RAD9B: variants seen among roughly 807,000 people sequenced by gnomAD.
RAD9B encodes the protein RAD9 checkpoint clamp component B.
A neutral mutation model predicts 48.3 loss-of-function variants in RAD9B; 41 were observed. That is an observed-to-expected ratio of 0.85 (90% CI 0.66 to 1.10). RAD9B has a LOEUF of 1.10. RAD9B is among the 50% of genes least tolerant of loss of function. The probability of loss-of-function intolerance (pLI) is 0.00; values close to 1 mark genes in which losing one functional copy is unlikely to be tolerated. For missense variants in RAD9B, 444 were observed against 485.1 expected (o/e 0.92, Z 0.80); for synonymous variants, 160 against 157.9 (o/e 1.01, Z -0.10).
chr12:110,508,560 A>G (rs2063361339), intron 4 of RAD9B, among the ~76,000 whole-genome samples: 1 of 152,258 alleles, frequency 6.6e-6, no homozygotes, highest in African/African-American at 2.4e-5. Context: ...ACTAGCTTAA[A>G]AAATAAAGTA....
intron 9 of RAD9B, among the ~76,000 whole-genome samples, chr12:110,520,422 G>C (rs2063738239): frequency 6.6e-6 from 1 of 151,904 alleles, no homozygotes; most frequent in African/African-American, 2.4e-5. Flanking sequence ...ATGTTGCCCA[G>C]GCTGGTCTCA....
chr12:110,530,096 G>A (rs532546808), intron 10 of RAD9B, among the ~76,000 whole-genome samples: 54 of 152,152 alleles, frequency 3.5e-4, no homozygotes, highest in Admixed American at 7.9e-4. Context: ...AGGCTGTAGT[G>A]CAGTGGCACG....
chr12:110,524,668 G>C (rs546629172), intron 10 of RAD9B, among the ~76,000 whole-genome samples: 1 of 151,978 alleles, frequency 6.6e-6, no homozygotes, highest in African/African-American at 2.4e-5. Context: ...TTGGGAGGCC[G>C]AGGTGGGCAG....
intron 3 of RAD9B, among the ~76,000 whole-genome samples, chr12:110,506,290 G>C (rs1015788883): frequency 6.6e-6 from 1 of 151,734 alleles, no homozygotes; most frequent in Non-Finnish European, 1.5e-5. Context: ...CCGGGTTCAC[G>C]CCATTCTCCT....
intron 10 of RAD9B, among the ~76,000 whole-genome samples, chr12:110,527,525 G>T (rs747667445): frequency 1.3e-5 from 2 of 152,150 alleles, no homozygotes; most frequent in African/African-American, 2.4e-5. Flanking sequence ...CTTCTGAGAC[G>T]TGAGGATGAC....
Position 110,531,040 on chromosome 12 carries a change from TG to T in RAD9B, c.*388del. 1 of 1,004,568 alleles carries T rather than the reference TG, an allele frequency of 1.0e-6. No individual in the cohort carries two copies. The highest frequency in any genetic ancestry group is 1.2e-6 in the Non-Finnish European group (1 of 842,652). The allele number at this position is 1,004,568 out of a possible 1,614,324, so 62.2% of individuals were successfully genotyped here. A position where few individuals can be genotyped will look rare whatever the true frequency, so the allele number is the denominator to read the frequency against. ...TGGCTTGAAATGGAATTTTGTGATT[TG>T]TAGTCAGGTATCTTTTGTATTTGAT... On this transcript the variant is annotated 3_prime_UTR_variant, in exon 11 of 11. Transcript: ENST00000409300.
At chr12:110,514,968 A>C in intron 5 of RAD9B, 82 bp from the exon 6 acceptor site, 10 of 787,502 alleles carry the variant, frequency 1.3e-5, no homozygotes, top group Non-Finnish European at 1.6e-5. Flanking sequence ...TTTCCAGATT[A>C]GAGATTTGAG....
At position 110,519,932 on chromosome 12, in the gene RAD9B, A is replaced by C. The variant is rs1302571860; in HGVS notation, c.890+16A>C. On this transcript the variant is annotated intron_variant, in intron 9 of 10. Coordinates refer to ENST00000409300, the MANE Select transcript of RAD9B (RefSeq NM_001286535.2). ...AACGAAAAAGGTAAGACTGTGTTTT[A>C]ACTTCTTTATTACTTGGGACAAGCC... The C allele has an allele frequency of 1.4e-5, 22 of 1,607,294 alleles. No homozygotes were observed. In the Admixed American group the frequency reaches 3.8e-4, roughly 27 times the overall value.
intron 1 of RAD9B, 52 bp downstream of exon 1, chr12:110,502,435 A>T: frequency 6.3e-7 from 1 of 1,594,782 alleles, no homozygotes; most frequent in South Asian, 1.1e-5. Flanking sequence ...AGCAGACGTT[A>T]ATAGGTCGTC....
Position 110,532,337 on chromosome 12 carries a change from GA to G in RAD9B, c.*1686del, listed in dbSNP as rs1338697441. Among the ~76,000 whole-genome samples the G allele has an allele frequency of 6.6e-6, 1 of 152,214 alleles. No individual in the cohort carries two copies. The highest frequency in any genetic ancestry group is 6.5e-5 in the Admixed American group (1 of 15,272). ...GGATAACATTTCTGGTTCATTCATTGAAGTAGGCAGAGGGGTTTAGGTCTTA... is the reference window on the plus strand; with the variant it reads ...GGATAACATTTCTGGTTCATTCATTGAGTAGGCAGAGGGGTTTAGGTCTTA... On this transcript the variant is annotated 3_prime_UTR_variant, in exon 11 of 11. Transcript: ENST00000409300.
At chr12:110,529,688 G>C (rs2064069185) in intron 10 of RAD9B, among the ~76,000 whole-genome samples, 1 of 152,166 alleles carries the variant, frequency 6.6e-6, no homozygotes, top group South Asian at 2.1e-4. Flanking sequence ...AGGCTGCGGT[G>C]AGACGTGATC....
chr12:110,503,760 T>G, intron 1 of RAD9B, 46 bp from the exon 2 acceptor site: 1 of 1,378,838 alleles, frequency 7.3e-7, no homozygotes, highest in Non-Finnish European at 1.0e-6. Flanking sequence ...TTGTTTTTAT[T>G]GTTAGAGGGA....
At position 110,505,734 on chromosome 12, in the gene RAD9B, GAC is replaced by G. The variant is rs780779498; in HGVS notation, c.239_240del (p.Thr80AsnfsTer18). 2 of 1,611,786 alleles carry G rather than the reference GAC, an allele frequency of 1.2e-6. No homozygotes were observed. The highest frequency in any genetic ancestry group is 2.2e-5 in the South Asian group (2 of 90,456). On this transcript the variant is annotated frameshift_variant, in exon 3 of 11. Coordinates refer to ENST00000409300, the MANE Select transcript of RAD9B (RefSeq NM_001286535.2). LOFTEE classifies it high-confidence loss of function. ...ALVKMSENEL[D>X]TTLHLKCKLG... ...AGTGAAAATGAGTGAAAATGAACTTGACACAACACTGCATTTAAAATGCAAAT... is the reference window on the plus strand; with the variant it reads ...AGTGAAAATGAGTGAAAATGAACTTGACAACACTGCATTTAAAATGCAAAT...
Position 110,533,213 on chromosome 12 carries a change from A to G in RAD9B, c.*2560A>G, listed in dbSNP as rs1004620053. ...AATGTCAAGGGCTGGTGTCTCATTT[A>G]GTTACTATTCAAACCAAAAGAAGCA... is the stretch of plus-strand genomic sequence containing the variant. On this transcript the variant is annotated 3_prime_UTR_variant, in exon 11 of 11. Coordinates refer to ENST00000409300, the MANE Select transcript of RAD9B (RefSeq NM_001286535.2). The G allele has an allele frequency of 1.3e-5, 2 of 152,246 alleles. No homozygotes were observed. The highest frequency in any genetic ancestry group is 6.5e-5 in the Admixed American group (1 of 15,286). 9.4% of individuals were successfully genotyped at this position (152,246 alleles called of 1,614,324 possible).
rs1158776687 is a variant in RAD9B at position 110,533,116 on chromosome 12, T to C, written c.*2463T>C. The C allele has an allele frequency of 9.2e-5, 14 of 152,220 alleles. No individual in the cohort carries two copies. In the East Asian group the frequency reaches 2.7e-3, roughly 29 times the overall value. The allele number at this position is 152,220 out of a possible 1,614,324, so 9.4% of individuals were successfully genotyped here. On this transcript the variant is annotated 3_prime_UTR_variant, in exon 11 of 11. Transcript: ENST00000409300. Reference sequence around the variant, plus strand: ...GTGAAGCAGCTGGAGCCAGTTAAAGTAGCAGCATATAATCAGTGCTAGAAT... The same window carrying C: ...GTGAAGCAGCTGGAGCCAGTTAAAGCAGCAGCATATAATCAGTGCTAGAAT...
rs1212010638 is a variant in RAD9B, at chr12:110,532,692, TGTA to T, written c.*2040_*2042del. Among the ~76,000 whole-genome samples, 1 of 152,194 alleles carries T rather than the reference TGTA, an allele frequency of 6.6e-6. No individual in the cohort carries two copies. Among genetic ancestry groups the T allele is most frequent in the African/African-American group, 2.4e-5 (1 of 41,438 alleles). On this transcript the variant is annotated 3_prime_UTR_variant, in exon 11 of 11. Transcript: ENST00000409300. Reference sequence around the variant, plus strand: ...AGATAATGGAGCTGCCCTATACAGGTGTACCATTTTTTTGTCTTTCATACCATA... The same window carrying T: ...AGATAATGGAGCTGCCCTATACAGGTCCATTTTTTTGTCTTTCATACCATA...
At position 110,533,257 on chromosome 12, in the gene RAD9B, C is replaced by G. The variant is rs1046487038; in HGVS notation, c.*2604C>G. On this transcript the variant is annotated 3_prime_UTR_variant, in exon 11 of 11. Coordinates refer to ENST00000409300, the MANE Select transcript of RAD9B (RefSeq NM_001286535.2). ...AGAAGCACACAGATTAGTATAAATA[C>G]TATATTTATTAAATATCTTTACAGT... 6.6e-6 allele frequency: 1 copy of G among 152,100 alleles called. No individual in the cohort carries two copies. The highest frequency in any genetic ancestry group is 1.5e-5 in the Non-Finnish European group (1 of 68,022). 9.4% of individuals were successfully genotyped at this position (152,100 alleles called of 1,614,324 possible).
At chr12:110,516,941 A>G (rs924440531) in intron 6 of RAD9B, among the ~76,000 whole-genome samples, 1 of 152,206 alleles carries the variant, frequency 6.6e-6, no homozygotes, top group Non-Finnish European at 1.5e-5. Context: ...ATATCCCACT[A>G]TACAGAGATA....
Position 110,531,516 on chromosome 12 carries a change from A to G in RAD9B, c.*863A>G. The G allele has an allele frequency of 3.9e-6, 5 of 1,289,644 alleles. No individual in the cohort carries two copies. Among genetic ancestry groups the G allele is most frequent in the Non-Finnish European group, 5.6e-6 (5 of 899,004 alleles). 79.9% of individuals were successfully genotyped at this position (1,289,644 alleles called of 1,614,324 possible). A position where few individuals can be genotyped will look rare whatever the true frequency, so the allele number is the denominator to read the frequency against. On this transcript the variant is annotated 3_prime_UTR_variant, in exon 11 of 11. Coordinates refer to ENST00000409300, the MANE Select transcript of RAD9B (RefSeq NM_001286535.2). ...CTGGAGTGTTTTTACATATTGTAAA[A>G]TTTTATTTCCTAACCTCAAATTGTT... is the stretch of plus-strand genomic sequence containing the variant.
Sources: allele counts gnomAD v4.1 joint callset (sites outside exome capture counted in the v4.1 genomes callset), GRCh38; gene constraint gnomAD v4.1.1; transcripts MANE v1.5; gene names NCBI Gene and HGNC (gene_info 2026-07-23, HGNC 2026-07-21).